FRMPD4: variants seen among roughly 807,000 people sequenced by gnomAD.
FRMPD4 encodes FERM and PDZ domain containing 4.
A neutral mutation model predicts 94.1 loss-of-function variants in FRMPD4; 22 were observed. The ratio of observed to expected loss-of-function variants is 0.23; its 90% CI spans 0.17 to 0.33. The LOEUF (loss-of-function observed/expected upper bound fraction) is 0.33. Among genes scored for constraint, FRMPD4 ranks in the 10% least tolerant of loss-of-function variants. The pLI is 1.00. For synonymous variants in FRMPD4, 631 were observed against 548.6 expected, an observed-to-expected ratio of 1.15 and a Z score of -2.10; for missense variants, 1,111 against 1,339.9, an observed-to-expected ratio of 0.83 and a Z score of 2.67.
At chrX:12,525,378 A>G (rs1260576041) in intron 2 of FRMPD4, among the ~76,000 whole-genome samples, 2 of 111,701 alleles carry the variant, frequency 1.8e-5, no homozygotes, top group Non-Finnish European at 3.8e-5. Flanking sequence ...AACATGGCCT[A>G]TGGTCATGCA....
intron 2 of FRMPD4, among the ~76,000 whole-genome samples, chrX:12,527,180 G>A (rs148726150): frequency 8.9e-6 from 1 of 111,967 alleles, no homozygotes; most frequent in Non-Finnish European, 1.9e-5. Context: ...AGGGATAAAT[G>A]TTTGAGTGAC....
intron 1 of FRMPD4, among the ~76,000 whole-genome samples, chrX:12,348,404 T>A (rs2147970391): frequency 9.0e-6 from 1 of 111,352 alleles, no homozygotes; most frequent in Non-Finnish European, 1.9e-5. Context: ...GGCTGCTTTG[T>A]GATTTCATTT....
rs2056043613 is a variant in FRMPD4, at chrX:12,162,586, GC to G, written c.41+23577del. ...ATTTTCAGTGACATTTACAATTAGT[GC>G]CCTTGAAACTGAGGACCACAAGTGC... On this transcript the variant is annotated intron_variant, in intron 1 of 16. Transcript: ENST00000675598. Among the ~76,000 whole-genome samples the G allele has an allele frequency of 2.7e-5, 3 of 111,757 alleles. No homozygotes were observed. In the Admixed American group the frequency reaches 2.8e-4, roughly 11 times the overall value.
chrX:12,716,341 C>T lies in FRMPD4; in HGVS notation c.1882C>T (p.Arg628Trp), dbSNP rs1423395504. Residue 628 changes from arginine (R) to tryptophan (W), a missense_variant, in exon 15 of 17, where the codon CGG becomes TGG. By Grantham distance (101) the Arg-to-Trp change is moderately radical. This residue lies in a region of FRMPD4 where 192 missense variants were observed against 192.5 expected (regional missense o/e 1.00). Coordinates refer to ENST00000675598, the MANE Select transcript of FRMPD4 (RefSeq NM_001368397.1). The stretch of plus-strand genomic sequence containing the variant: ...GGCAGACTACAGAAGTCTAGCTCAG[C>T]GGTCCCTATTGACCCTCTCAGGACC... Reference protein sequence around the residue: ...CEADYRSLAQRSLLTLSGPET... With the variant: ...CEADYRSLAQWSLLTLSGPET... The T allele has an allele frequency of 5.0e-6, 6 of 1,209,343 alleles. No individual in the cohort carries two copies. Among genetic ancestry groups the T allele is most frequent in the Admixed American group, 4.4e-5 (2 of 45,812 alleles).
chrX:12,181,832 C>A (rs779850531), intron 1 of FRMPD4, among the ~76,000 whole-genome samples: 3 of 111,940 alleles, frequency 2.7e-5, no homozygotes, highest in African/African-American at 9.7e-5. Flanking sequence ...GTCATGGTCT[C>A]TATCTCTGCC....
intron 2 of FRMPD4, among the ~76,000 whole-genome samples, chrX:11,872,964 A>G (rs2053763241): frequency 8.9e-6 from 1 of 112,259 alleles, no homozygotes; most frequent in Admixed American, 9.4e-5. Context: ...CACTGTGGAA[A>G]ACAGTTTGGT....
chrX:12,564,072 TCTC>T (rs761624184), intron 2 of FRMPD4, among the ~76,000 whole-genome samples: 26 of 111,962 alleles, frequency 2.3e-4, no homozygotes, highest in African/African-American at 8.4e-4. Flanking sequence ...TTGGCCATCT[TCTC>T]ATTGTATCCT....
chrX:11,944,992 G>T (rs182610480), intron 3 of FRMPD4, among the ~76,000 whole-genome samples: 1 of 112,196 alleles, frequency 8.9e-6, no homozygotes, highest in African/African-American at 3.2e-5. Flanking sequence ...ATGACTGCAC[G>T]TTGTGATCAC....
intron 1 of FRMPD4, among the ~76,000 whole-genome samples, chrX:11,850,536 G>A (rs1391494160): frequency 8.9e-6 from 1 of 112,454 alleles, no homozygotes; most frequent in Non-Finnish European, 1.9e-5. Flanking sequence ...AGAGCCAAAA[G>A]GTGGAAGCAA....
At chrX:12,645,190 G>A (rs765439720) in intron 4 of FRMPD4, among the ~76,000 whole-genome samples, 4 of 109,314 alleles carry the variant, frequency 3.7e-5, no homozygotes, top group African/African-American at 1.3e-4. Flanking sequence ...ATATTCATAC[G>A]GTAGTAGTCT....
intron 3 of FRMPD4, among the ~76,000 whole-genome samples, chrX:11,969,511 G>T (rs997672625): frequency 8.9e-6 from 1 of 112,164 alleles, no homozygotes; most frequent in African/African-American, 3.2e-5. Flanking sequence ...TATATATAAA[G>T]ATTTCAAAGG....
chrX:12,544,961 T>C (rs1176331571), intron 2 of FRMPD4, among the ~76,000 whole-genome samples: 1 of 112,134 alleles, frequency 8.9e-6, no homozygotes, highest in Non-Finnish European at 1.9e-5. Flanking sequence ...TCAGTGTAAA[T>C]GCCCCTTCTG....
At chrX:11,970,472 C>T (rs1054012521) in intron 3 of FRMPD4, among the ~76,000 whole-genome samples, 1 of 112,171 alleles carries the variant, frequency 8.9e-6, no homozygotes, top group Non-Finnish European at 1.9e-5. Context: ...CTGACTCTAC[C>T]TAGAAAACAG....
intron 1 of FRMPD4, among the ~76,000 whole-genome samples, chrX:12,247,724 G>A (rs897676027): frequency 3.6e-5 from 4 of 111,915 alleles, no homozygotes; most frequent in African/African-American, 1.3e-4. Flanking sequence ...AAACAAAATT[G>A]ATGTCTAATC....
chrX:12,373,290 C>T (rs1437132805), intron 1 of FRMPD4: 1 of 112,218 alleles, frequency 8.9e-6, no homozygotes, highest in Non-Finnish European at 1.9e-5. Context: ...ATTTCGCATG[C>T]TTTAACCTGG....
At chrX:11,871,462 A>G (rs770113748) in intron 2 of FRMPD4, among the ~76,000 whole-genome samples, 26 of 112,915 alleles carry the variant, frequency 2.3e-4, no homozygotes, top group Non-Finnish European at 4.3e-4. Flanking sequence ...TGATAAAAAT[A>G]CAGGACTCTA....
chrX:12,470,741 T>C (rs1190184372), intron 1 of FRMPD4, among the ~76,000 whole-genome samples: 1 of 111,991 alleles, frequency 8.9e-6, no homozygotes, highest in African/African-American at 3.2e-5. Flanking sequence ...TGAGACCCTG[T>C]ATGAGAAGAT....
chrX:12,048,457 A>G (rs2054798225), intron 3 of FRMPD4, among the ~76,000 whole-genome samples: 1 of 111,975 alleles, frequency 8.9e-6, no homozygotes, highest in African/African-American at 3.2e-5. Flanking sequence ...TATTCTGCTG[A>G]TAGTTTCTTT....
intron 1 of FRMPD4, among the ~76,000 whole-genome samples, chrX:11,832,602 A>G (rs746512847): frequency 3.6e-5 from 4 of 111,984 alleles, no homozygotes; most frequent in Non-Finnish European, 7.5e-5. Flanking sequence ...CATTTGATTC[A>G]CTTTCTACCA....
Sources: gnomAD v4.1 joint callset for allele counts (sites outside exome capture counted in the v4.1 genomes callset) on GRCh38, gnomAD v4.1.1 for gene constraint, gnomAD v4.1.1 regional missense constraint, MANE v1.5 for transcripts, NCBI Gene and HGNC (gene_info 2026-07-23, HGNC 2026-07-21) for gene names.